The following CRTC1 variants were observed in gnomAD, a reference collection of about 807,000 sequenced individuals.
The protein encoded by CRTC1 is CREB regulated transcription coactivator 1.
CRTC1 carries 18 observed loss-of-function variants against 66.1 expected under a neutral mutation model. The observed-to-expected ratio is 0.27, with a 90% CI of 0.19 to 0.40. CRTC1 has a LOEUF of 0.40. CRTC1 is among the 10% of genes least tolerant of loss of function. CRTC1 has a pLI of 1.00. For synonymous variants in CRTC1, 416 were observed against 398.8 expected (o/e 1.04, Z -0.51); for missense variants, 669 against 887.9 (o/e 0.75, Z 3.13).
chr19:18,762,613 CCTT>C (rs2054639279), intron 8 of CRTC1, among the ~76,000 whole-genome samples: 1 of 152,242 alleles, frequency 6.6e-6, no homozygotes. Flanking sequence ...CCTGGCTCCT[CCTT>C]CCTGGCCCAG....
chr19:18,732,297 G>A (rs1487345063), intron 1 of CRTC1, among the ~76,000 whole-genome samples: 1 of 152,188 alleles, frequency 6.6e-6, no homozygotes, highest in Non-Finnish European at 1.5e-5. Flanking sequence ...CTCTAGGATT[G>A]GAGGCCTTGT....
In CRTC1 at chr19:18,759,544, C is replaced by G. The variant is rs748052155; in HGVS notation, c.625-7C>G. ...CAGGGCTCAGGCTCTCCTGTCTTCT[C>G]TTTCAGACGGGGTCCAGGCCCAAGT... On this transcript the variant is annotated splice_polypyrimidine_tract_variant and splice_region_variant and intron_variant, in intron 6 of 13. Coordinates refer to ENST00000321949, the MANE Select transcript of CRTC1 (RefSeq NM_015321.3). The G allele has an allele frequency of 1.2e-6, 2 of 1,612,386 alleles. No homozygotes were observed. The highest frequency in any genetic ancestry group is 1.7e-6 in the Non-Finnish European group (2 of 1,179,478).
chr19:18,704,635 C>T (rs2053220210), intron 1 of CRTC1, among the ~76,000 whole-genome samples: 1 of 152,076 alleles, frequency 6.6e-6, no homozygotes, highest in African/African-American at 2.4e-5. Context: ...TCGCTTGAAC[C>T]CTGGAGGCAG....
Position 18,683,822 on chromosome 19 carries a change from C to T in CRTC1, c.120C>T (p.Ala40=), listed in dbSNP as rs1245550394. 5 of 1,291,696 alleles carry T rather than the reference C, an allele frequency of 3.9e-6. No individual in the cohort carries two copies. In the East Asian group the frequency reaches 1.3e-4, roughly 34 times the overall value. 80.0% of individuals were successfully genotyped at this position (1,291,696 alleles called of 1,614,324 possible). Reference sequence around the variant, plus strand: ...TGAAGGACCTGAGCCTGACGCGGGCCGCGCGGGTAAGGGGGCTGCCCGCGC... The same window carrying T: ...TGAAGGACCTGAGCCTGACGCGGGCTGCGCGGGTAAGGGGGCTGCCCGCGC... ...EVMKDLSLTR[A]ARLQLQKSQY... Residue 40 remains alanine, a synonymous_variant, in exon 1 of 14, where the codon GCC becomes GCT. Transcript: ENST00000321949.
At chr19:18,683,858 G>C in intron 1 of CRTC1, 30 bp downstream of exon 1, 1 of 1,151,780 alleles carries the variant, frequency 8.7e-7, no homozygotes, top group South Asian at 2.1e-5. Flanking sequence ...CGACCCTTCA[G>C]GGCCGGCGGA....
Position 18,683,814 on chromosome 19 carries a change from ACGCGGGCCG to A in CRTC1, c.119_126+1del. On this transcript the variant is annotated inframe_deletion, in exon 1 of 14. Transcript: ENST00000321949. Reference sequence around the variant, plus strand: ...GGAGGTCATGAAGGACCTGAGCCTGACGCGGGCCGCGCGGGTAAGGGGGCTGCCCGCGCC... The same window carrying A: ...GGAGGTCATGAAGGACCTGAGCCTGACGCGGGTAAGGGGGCTGCCCGCGCC... 2 of 1,306,808 alleles carry A rather than the reference ACGCGGGCCG, an allele frequency of 1.5e-6. No individual in the cohort carries two copies. Among genetic ancestry groups the A allele is most frequent in the Non-Finnish European group, 2.0e-6 (2 of 998,546 alleles). 81.0% of individuals were successfully genotyped at this position (1,306,808 alleles called of 1,614,324 possible).
intron 9 of CRTC1, among the ~76,000 whole-genome samples, chr19:18,766,932 TTA>T (rs2054749668): frequency 6.6e-6 from 1 of 152,212 alleles, no homozygotes; most frequent in Non-Finnish European, 1.5e-5. Flanking sequence ...TTTGGTAAAA[TTA>T]GGCGGGTGTA....
At chr19:18,765,606 C>G (rs2054713937) in intron 9 of CRTC1, 78 bp downstream of exon 9, 1 of 1,400,592 alleles carries the variant, frequency 7.1e-7, no homozygotes, top group Non-Finnish European at 9.6e-7. Flanking sequence ...TAGAAGGCCT[C>G]CTGTTCCTTC....
intron 13 of CRTC1, among the ~76,000 whole-genome samples, chr19:18,776,696 G>GA (rs1369916194): frequency 6.6e-6 from 1 of 152,238 alleles, no homozygotes; most frequent in South Asian, 2.1e-4. Flanking sequence ...TCTCAGACCT[G>GA]GAACCTGAGT....
At chr19:18,767,634 T>C (rs999241302) in intron 9 of CRTC1, among the ~76,000 whole-genome samples, 2 of 152,180 alleles carry the variant, frequency 1.3e-5, no homozygotes, top group Non-Finnish European at 2.9e-5. Context: ...CCTGTCTGCT[T>C]ACAAAGGTGT....
rs1601036208 is a variant in CRTC1 at position 18,778,732 on chromosome 19, C to G, written c.*1350C>G. 4.3e-6 allele frequency: 1 copy of G among 231,204 alleles called. No individual in the cohort carries two copies. 14.3% of individuals were successfully genotyped at this position (231,204 alleles called of 1,614,324 possible). A position where few individuals can be genotyped will look rare whatever the true frequency, so the allele number is the denominator to read the frequency against. ...CCAGTGGCAGCTGAGACCTCTCTGCCCCAAGAGTGTGGGGGACTGGCAGGG... is the reference window on the plus strand; with the variant it reads ...CCAGTGGCAGCTGAGACCTCTCTGCGCCAAGAGTGTGGGGGACTGGCAGGG... On this transcript the variant is annotated 3_prime_UTR_variant, in exon 14 of 14. Transcript: ENST00000321949.
intron 1 of CRTC1, among the ~76,000 whole-genome samples, chr19:18,692,659 G>A (rs2052872480): frequency 6.6e-6 from 1 of 152,038 alleles, no homozygotes; most frequent in Non-Finnish European, 1.5e-5. Flanking sequence ...ACGTGCTCTG[G>A]GGAATCTGGG....
intron 1 of CRTC1, among the ~76,000 whole-genome samples, chr19:18,711,750 C>G (rs551421649): frequency 3.9e-5 from 6 of 152,216 alleles, no homozygotes; most frequent in Non-Finnish European, 8.8e-5. Flanking sequence ...AAGCTTGATG[C>G]CAAGGGTCTT....
intron 1 of CRTC1, among the ~76,000 whole-genome samples, chr19:18,718,617 A>G (rs2053558112): frequency 6.6e-6 from 1 of 151,678 alleles, no homozygotes; most frequent in Non-Finnish European, 1.5e-5. Flanking sequence ...TGCTGGGATT[A>G]CAAGTGTGAG....
chr19:18,760,332 T>C lies in CRTC1; in HGVS notation c.886+104T>C, dbSNP rs934362436. 2 of 989,642 alleles carry C rather than the reference T, an allele frequency of 2.0e-6. No homozygotes were observed. Among genetic ancestry groups the C allele is most frequent in the African/African-American group, 1.6e-5 (1 of 62,552 alleles). The allele number at this position is 989,642 out of a possible 1,614,324, so 61.3% of individuals were successfully genotyped here. On this transcript the variant is annotated intron_variant, in intron 8 of 13. Transcript: ENST00000321949. The surrounding 1 kb of genome is among the most constrained non-coding windows in gnomAD (Gnocchi z 6.2). The stretch of plus-strand genomic sequence containing the variant: ...GAGTCCCGTTCCAAATACTAGGGCA[T>C]GGGGGACAGGGCTGGGGGGCGGCCG...
Position 18,754,946 on chromosome 19 carries a change from A to C in CRTC1, c.624+1361A>C, listed in dbSNP as rs760846670. Among the ~76,000 whole-genome samples, 24 of 151,320 alleles carry C rather than the reference A, an allele frequency of 1.6e-4. 1 individual carries two copies. The highest frequency in any genetic ancestry group is 2.4e-4 in the African/African-American group (10 of 41,354). On this transcript the variant is annotated intron_variant, in intron 6 of 13. Transcript: ENST00000321949. ...TGTGTATTTCTTTTTCTTTTCTTTT[A>C]TTTTTATTTTTAAATTTTATTATAT... is the stretch of plus-strand genomic sequence containing the variant.
chr19:18,683,708 G>A lies in CRTC1; in HGVS notation c.6G>A (p.Ala2=). The A allele has an allele frequency of 1.4e-6, 2 of 1,399,874 alleles. No homozygotes were observed. Among genetic ancestry groups the A allele is most frequent in the Non-Finnish European group, 1.9e-6 (2 of 1,052,224 alleles). The allele number at this position is 1,399,874 out of a possible 1,614,324, so 86.7% of individuals were successfully genotyped here. Residue 2 remains alanine, a synonymous_variant, in exon 1 of 14, where the codon GCG becomes GCA. Coordinates refer to ENST00000321949, the MANE Select transcript of CRTC1 (RefSeq NM_015321.3). The stretch of plus-strand genomic sequence containing the variant: ...GAGGAGGTGGCGGCGAGAAGATGGC[G>A]ACTTCGAACAATCCGCGGAAATTCA... The part of the protein sequence containing the change: M[A]TSNNPRKFSE...
chr19:18,757,843 C>T lies in CRTC1; in HGVS notation c.625-1708C>T, dbSNP rs564072503. On this transcript the variant is annotated intron_variant, in intron 6 of 13. Transcript: ENST00000321949. ...CATCCTGGCTAACATGGTGAAACCC[C>T]GTCTCTACTAAAAATACAAAAAAAA... is the stretch of plus-strand genomic sequence containing the variant. Among the ~76,000 whole-genome samples the T allele has an allele frequency of 3.3e-5, 5 of 151,286 alleles. No homozygotes were observed. In the East Asian group the frequency reaches 7.8e-4, roughly 24 times the overall value.
chr19:18,765,049 A>G (rs2054698241), intron 8 of CRTC1, among the ~76,000 whole-genome samples: 1 of 152,200 alleles, frequency 6.6e-6, no homozygotes, highest in East Asian at 1.9e-4. Context: ...GGCTTCAGAC[A>G]GCCCTTCCTG....
Sources: gnomAD v4.1 joint callset for allele counts (sites outside exome capture counted in the v4.1 genomes callset) on GRCh38, gnomAD v4.1.1 for gene constraint, Gnocchi (gnomAD v3.1) non-coding constraint, MANE v1.5 for transcripts, NCBI Gene and HGNC (gene_info 2026-07-23, HGNC 2026-07-21) for gene names.